Variants in MACROH2A2 observed in about 807,000 individuals in gnomAD.
MACROH2A2 encodes the protein macroH2A.2 histone, also known as core histone macro-H2A.2.
A neutral mutation model predicts 37.6 loss-of-function variants in MACROH2A2; 6 were observed. The observed-to-expected ratio is 0.16, with a 90% CI of 0.09 to 0.32. The LOEUF (loss-of-function observed/expected upper bound fraction) is 0.32. Among genes scored for constraint, MACROH2A2 ranks in the 10% least tolerant of loss-of-function variants. MACROH2A2 has a pLI of 1.00. For missense variants in MACROH2A2, 290 were observed against 485.9 expected, an observed-to-expected ratio of 0.60 and a Z score of 3.79; for synonymous variants, 192 against 202.7, an observed-to-expected ratio of 0.95 and a Z score of 0.45.
chr10:70,081,363 C>T (rs1419209827), intron 2 of MACROH2A2, among the ~76,000 whole-genome samples: 2 of 152,046 alleles, frequency 1.3e-5, no homozygotes, highest in East Asian at 3.9e-4. Context: ...GCAGGAGGTT[C>T]ACATCGGTGT....
rs773385567 is a variant in MACROH2A2 at position 70,091,737 on chromosome 10, G to A, written c.280-20G>A. 2.8e-5 allele frequency: 43 copies of A among 1,558,588 alleles called. No homozygotes were observed. In the East Asian group the frequency reaches 3.6e-4, roughly 13 times the overall value. ...CTAGCAGGCTGTTTGCTACATGAGC[G>A]CATGCATTTCTCTCTTCAGCTGCTA... On this transcript the variant is annotated intron_variant, in intron 3 of 8. Coordinates refer to ENST00000373255, the MANE Select transcript of MACROH2A2 (RefSeq NM_018649.3).
At chr10:70,078,284 G>A (rs921143368) in intron 2 of MACROH2A2, among the ~76,000 whole-genome samples, 1 of 152,238 alleles carries the variant, frequency 6.6e-6, no homozygotes, top group Non-Finnish European at 1.5e-5. Flanking sequence ...TTATACAGTG[G>A]GTTGAACATG....
rs114922371 is a variant in MACROH2A2, at chr10:70,090,088, C to T, written c.201C>T (p.Ala67=). Residue 67 remains alanine (A), a synonymous_variant, in exon 3 of 9, where the codon GCC becomes GCT. Transcript: ENST00000373255. ...AAEILELAGN[A]ARDNKKARIA... is the part of the protein sequence containing the mutation. ...AAATTCTAGAATTGGCCGGCAATGCCGCGAGGGACAACAAGAAGGCCCGGA... is the reference window on the plus strand; with the variant it reads ...AAATTCTAGAATTGGCCGGCAATGCTGCGAGGGACAACAAGAAGGCCCGGA... The T allele has an allele frequency of 1.7e-4, 270 of 1,613,812 alleles. 1 individual carries two copies. In the African/African-American group the frequency reaches 2.9e-3, roughly 18 times the overall value.
intron 7 of MACROH2A2, among the ~76,000 whole-genome samples, chr10:70,105,683 G>A (rs7071561): frequency 0.18 from 26,682 of 151,448 alleles, 3,677 homozygotes; most frequent in African/African-American, 0.38. Flanking sequence ...AGGATGGTTT[G>A]GCAGACAGAG....
At chr10:70,076,280 A>G (rs533134158) in intron 2 of MACROH2A2, among the ~76,000 whole-genome samples, 1 of 152,346 alleles carries the variant, frequency 6.6e-6, no homozygotes, top group East Asian at 1.9e-4. Context: ...GGGTCCATAA[A>G]TAACATTTAT....
chr10:70,083,299 C>T (rs1228875196), intron 2 of MACROH2A2, among the ~76,000 whole-genome samples: 1 of 152,188 alleles, frequency 6.6e-6, no homozygotes, highest in African/African-American at 2.4e-5. Context: ...ACAGGCACAG[C>T]CTCTCTAAGT....
Position 70,075,496 on chromosome 10 carries a change from C to T in MACROH2A2, c.-59-104C>T, listed in dbSNP as rs2072134352. On this transcript the variant is annotated intron_variant, in intron 1 of 8. Transcript: ENST00000373255. The surrounding 1 kb of genome is among the most constrained non-coding windows in gnomAD (Gnocchi z 5.0). Reference sequence around the variant, plus strand: ...GTAGCAGCCAGATTTCAGCTGCCTCCCCAGGGCAGTCAGAGGTGTCACAGT... The same window carrying T: ...GTAGCAGCCAGATTTCAGCTGCCTCTCCAGGGCAGTCAGAGGTGTCACAGT... 1 of 664,630 alleles carries T rather than the reference C, an allele frequency of 1.5e-6. No individual in the cohort carries two copies. The highest frequency in any genetic ancestry group is 2.6e-6 in the Non-Finnish European group (1 of 382,436). 41.2% of individuals were successfully genotyped at this position (664,630 alleles called of 1,614,324 possible). A position where few individuals can be genotyped will look rare whatever the true frequency, so the allele number is the denominator to read the frequency against.
At chr10:70,056,835 T>C (rs2072020317) in intron 1 of MACROH2A2, among the ~76,000 whole-genome samples, 1 of 152,156 alleles carries the variant, frequency 6.6e-6, no homozygotes, top group South Asian at 2.1e-4. Context: ...CCCTCACAAT[T>C]TTTTTCATTG....
At chr10:70,093,882 C>T in intron 5 of MACROH2A2, 37 bp downstream of exon 5, 1 of 1,090,966 alleles carries the variant, frequency 9.2e-7, no homozygotes. Flanking sequence ...TATTAAAACA[C>T]CACTGTATTT....
intron 2 of MACROH2A2, among the ~76,000 whole-genome samples, chr10:70,080,217 T>G (rs2072167226): frequency 6.7e-6 from 1 of 150,210 alleles, no homozygotes. Context: ...AGGCGGAGGT[T>G]GTGGTGAGCC....
intron 6 of MACROH2A2, among the ~76,000 whole-genome samples, chr10:70,096,932 A>G (rs2072279938): frequency 6.6e-6 from 1 of 152,242 alleles, no homozygotes; most frequent in Non-Finnish European, 1.5e-5. Flanking sequence ...GACGCCCTCT[A>G]GTAGCCTTCA....
chr10:70,066,111 G>A (rs1037437010), intron 1 of MACROH2A2, among the ~76,000 whole-genome samples: 1 of 152,086 alleles, frequency 6.6e-6, no homozygotes, highest in African/African-American at 2.4e-5. Flanking sequence ...TTCACAGGCG[G>A]GGGGATCACT....
At chr10:70,081,572 A>G (rs547604140) in intron 2 of MACROH2A2, among the ~76,000 whole-genome samples, 1 of 152,252 alleles carries the variant, frequency 6.6e-6, no homozygotes, top group African/African-American at 2.4e-5. Flanking sequence ...AGGAGCCCCT[A>G]AGGGTCACGC....
chr10:70,095,921 T>A (rs2072273985), intron 6 of MACROH2A2, among the ~76,000 whole-genome samples, 168 bp downstream of exon 6: 1 of 152,248 alleles, frequency 6.6e-6, no homozygotes, highest in South Asian at 2.1e-4. Flanking sequence ...TAACTTTGTT[T>A]TAATTCTGCA....
chr10:70,077,504 C>T (rs537121419), intron 2 of MACROH2A2, among the ~76,000 whole-genome samples: 23 of 152,044 alleles, frequency 1.5e-4, no homozygotes, highest in African/African-American at 5.1e-4. Context: ...TCACTTGAAC[C>T]CAGGAGTTGG....
intron 6 of MACROH2A2, among the ~76,000 whole-genome samples, chr10:70,096,872 GAA>G (rs918912722): frequency 9.9e-5 from 15 of 152,246 alleles, no homozygotes; most frequent in African/African-American, 3.6e-4. Context: ...ACAGCCCTGG[GAA>G]AAGTCAGCAT....
rs7898932 is a variant in MACROH2A2 at position 70,111,257 on chromosome 10, A to C, written c.954-261A>C. On this transcript the variant is annotated intron_variant, in intron 8 of 8. Transcript: ENST00000373255. ...GCACTCCAGCCTGGGCAACAGAGAG[A>C]GACTCCATCCCAAAACAAATAAATT... Among the ~76,000 whole-genome samples, 899 of 152,300 alleles carry C rather than the reference A, an allele frequency of 5.9e-3. 10 individuals are homozygous for C. The highest frequency in any genetic ancestry group is 0.02 in the African/African-American group (850 of 41,570).
chr10:70,081,160 T>C (rs1398153871), intron 2 of MACROH2A2, among the ~76,000 whole-genome samples: 1 of 151,794 alleles, frequency 6.6e-6, no homozygotes, highest in Non-Finnish European at 1.5e-5. Context: ...ATGCTGGTTC[T>C]GCCACGTATC....
At chr10:70,096,170 A>T (rs1189816025) in intron 6 of MACROH2A2, among the ~76,000 whole-genome samples, 3 of 152,150 alleles carry the variant, frequency 2.0e-5, no homozygotes, top group Non-Finnish European at 2.9e-5. Flanking sequence ...GAATTTTGTA[A>T]AAATGAAATC....
Sources: allele counts gnomAD v4.1 joint callset (sites outside exome capture counted in the v4.1 genomes callset), GRCh38; gene constraint gnomAD v4.1.1; non-coding constraint Gnocchi (gnomAD v3.1); transcripts MANE v1.5; gene names NCBI Gene and HGNC (gene_info 2026-07-23, HGNC 2026-07-21).